The following METTL22 variants were observed in gnomAD, a reference collection of about 807,000 sequenced individuals.
The protein encoded by METTL22 is methyltransferase 22, Kin17 lysine, also known as methyltransferase-like protein 22.
METTL22 carries 51 observed loss-of-function variants against 48.4 expected under a neutral mutation model. That is an observed-to-expected ratio of 1.05 (90% CI 0.84 to 1.33). METTL22 has a LOEUF of 1.33. Ranked by LOEUF, METTL22 falls within the 40% of genes most tolerant of loss-of-function variation. The pLI is 0.00. For missense variants in METTL22, 678 were observed against 526.9 expected (o/e 1.29, Z -2.81); for synonymous variants, 255 against 214.1 (o/e 1.19, Z -1.67).
chr16:8,647,947 A>G lies in METTL22; in HGVS notation c.*1804A>G, dbSNP rs1344320075. On this transcript the variant is annotated 3_prime_UTR_variant, in exon 11 of 11. Coordinates refer to ENST00000381920, the MANE Select transcript of METTL22 (RefSeq NM_024109.4). Reference sequence around the variant, plus strand: ...TTAGAGCCCATGTCCACCCATGTCCATCTGACTCCTGAGCCTGTGCTTTTC... The same window carrying G: ...TTAGAGCCCATGTCCACCCATGTCCGTCTGACTCCTGAGCCTGTGCTTTTC... 1 of 152,272 alleles carries G rather than the reference A, an allele frequency of 6.6e-6. No individual in the cohort carries two copies. Among genetic ancestry groups the G allele is most frequent in the Non-Finnish European group, 1.5e-5 (1 of 68,064 alleles). 9.4% of individuals were successfully genotyped at this position (152,272 alleles called of 1,614,324 possible).
intron 1 of METTL22, 25 bp downstream of exon 1, chr16:8,621,800 G>A (rs557075448): frequency 6.6e-6 from 1 of 152,466 alleles, no homozygotes; most frequent in African/African-American, 2.4e-5. Context: ...GAGGCGGCGG[G>A]ATAGGGTAGG....
chr16:8,660,719 G>A, the METTL22 span, among the ~76,000 whole-genome samples: 5 of 151,112 alleles, frequency 3.3e-5, no homozygotes, highest in South Asian at 8.4e-4. Flanking sequence ...GGCTGGAAGA[G>A]TGTGAATGAG....
chr16:8,650,538 G>T (rs2056879581), downstream of METTL22, among the ~76,000 whole-genome samples: 1 of 152,182 alleles, frequency 6.6e-6, no homozygotes, highest in Non-Finnish European at 1.5e-5. Flanking sequence ...AGCAGACTAG[G>T]GTGGCTACAG....
intron 5 of METTL22, among the ~76,000 whole-genome samples, chr16:8,636,595 C>G (rs1327512755): frequency 6.7e-6 from 1 of 150,106 alleles, no homozygotes; most frequent in Non-Finnish European, 1.5e-5. Flanking sequence ...CTTTGTAACC[C>G]TTCTCCTATT....
At chr16:8,631,490 A>T (rs564994180) in intron 3 of METTL22, 11 of 152,284 alleles carry the variant, frequency 7.2e-5, no homozygotes, top group African/African-American at 2.6e-4. Context: ...AAGGGGTACA[A>T]CCTCCTCCAG....
the METTL22 span, among the ~76,000 whole-genome samples, chr16:8,661,348 A>T: frequency 3.3e-5 from 5 of 151,228 alleles, no homozygotes; most frequent in Non-Finnish European, 7.4e-5. Flanking sequence ...ACCCGCCTTT[A>T]TTAAGAACTT....
At chr16:8,629,402 C>G (rs557438968) in intron 3 of METTL22, among the ~76,000 whole-genome samples, 1 of 152,220 alleles carries the variant, frequency 6.6e-6, no homozygotes, top group Admixed American at 6.5e-5. Context: ...CAGTTTCCAG[C>G]TCAGCCACAC....
At chr16:8,643,938 T>G (rs1049807911) in intron 9 of METTL22, among the ~76,000 whole-genome samples, 2 of 152,130 alleles carry the variant, frequency 1.3e-5, no homozygotes, top group Non-Finnish European at 2.9e-5. Flanking sequence ...TCCTGTTGCA[T>G]GTCTGGAATT....
intron 9 of METTL22, 90 bp from the exon 10 acceptor site, chr16:8,644,467 A>T: frequency 7.7e-7 from 1 of 1,293,512 alleles, no homozygotes; most frequent in Non-Finnish European, 1.1e-6. Context: ...ATATGAGATC[A>T]GTGAGGGATA....
the METTL22 span, among the ~76,000 whole-genome samples, chr16:8,658,173 C>T: frequency 6.6e-6 from 1 of 152,130 alleles, no homozygotes; most frequent in East Asian, 1.9e-4. Flanking sequence ...GTGAAGATGG[C>T]CTATGAAGGC....
intron 9 of METTL22, 166 bp downstream of exon 9, chr16:8,642,731 T>C: frequency 2.9e-6 from 2 of 685,054 alleles, no homozygotes; most frequent in Admixed American, 4.3e-5. Context: ...GTTACTGCAC[T>C]GAATCTGCAT....
At chr16:8,662,330 C>G in the METTL22 span, among the ~76,000 whole-genome samples, 2 of 145,488 alleles carry the variant, frequency 1.4e-5, no homozygotes, top group Non-Finnish European at 3.0e-5. Context: ...CTTTCCATGA[C>G]CCCTGCCCAG....
chr16:8,641,343 G>GATGAGCACCAA (rs2056611533), intron 7 of METTL22, 159 bp downstream of exon 7: 2 of 732,836 alleles, frequency 2.7e-6, no homozygotes, highest in Non-Finnish European at 4.9e-6. Context: ...ATGAGCACCA[G>GATGAGCACCAA]CTGTCATTCT....
At chr16:8,639,480 G>T in intron 6 of METTL22, 1 of 375,530 alleles carries the variant, frequency 2.7e-6, no homozygotes. Context: ...AACATCCAGA[G>T]TGCCCTTTCT....
chr16:8,637,652 C>A (rs1157671549), intron 5 of METTL22, among the ~76,000 whole-genome samples: 1 of 152,226 alleles, frequency 6.6e-6, no homozygotes, highest in Non-Finnish European at 1.5e-5. Flanking sequence ...GCCCACAGGG[C>A]AGTGTGCTTG....
At chr16:8,626,093 C>G (rs149246046) in intron 2 of METTL22, among the ~76,000 whole-genome samples, 1,832 of 152,124 alleles carry the variant, frequency 0.012, 131 homozygotes, top group Admixed American at 0.11. Flanking sequence ...AACTCCTGGA[C>G]TCAAGTGATC....
chr16:8,632,992 G>T (rs1161596998), intron 3 of METTL22, among the ~76,000 whole-genome samples: 1 of 152,082 alleles, frequency 6.6e-6, no homozygotes, highest in Non-Finnish European at 1.5e-5. Flanking sequence ...GGACAGCTGG[G>T]GTTAGGGAGC....
At chr16:8,634,912 G>GA in intron 3 of METTL22, 127 bp from the exon 4 acceptor site, 1 of 1,192,020 alleles carries the variant, frequency 8.4e-7, no homozygotes, top group Non-Finnish European at 1.2e-6. Context: ...CTGCTCTCTA[G>GA]AACGCCTCAT....
chr16:8,630,631 G>T (rs2056226403), intron 3 of METTL22, among the ~76,000 whole-genome samples: 1 of 152,164 alleles, frequency 6.6e-6, no homozygotes, highest in African/African-American at 2.4e-5. Flanking sequence ...ACAGTGAATT[G>T]TTGTGTCTGT....
Sources: allele counts gnomAD v4.1 joint callset (sites outside exome capture counted in the v4.1 genomes callset), GRCh38; gene constraint gnomAD v4.1.1; transcripts MANE v1.5; gene names NCBI Gene and HGNC (gene_info 2026-07-23, HGNC 2026-07-21).